The following NRXN3 variants were observed in gnomAD, a reference collection of about 807,000 sequenced individuals.
The protein encoded by NRXN3 is neurexin 3.
In NRXN3, 32 loss-of-function variants were observed where a neutral mutation model predicts 137.6. The ratio of observed to expected loss-of-function variants is 0.23; its 90% CI spans 0.18 to 0.31. The LOEUF is 0.31. NRXN3 is among the 10% of genes least tolerant of loss of function. NRXN3 has a pLI of 1.00. For synonymous variants in NRXN3, 798 were observed against 784.5 expected (o/e 1.02, Z -0.29); for missense variants, 1,574 against 2,062.5 (o/e 0.76, Z 4.59).
intron 4 of NRXN3, among the ~76,000 whole-genome samples, chr14:78,609,367 A>G (rs1009607369): frequency 2.0e-5 from 3 of 152,186 alleles, no homozygotes; most frequent in African/African-American, 7.2e-5. Flanking sequence ...GAAAGATGTT[A>G]TTAATTAAAC....
intron 15 of NRXN3, among the ~76,000 whole-genome samples, chr14:79,081,468 G>A (rs1342477010): frequency 6.6e-6 from 1 of 152,016 alleles, no homozygotes; most frequent in East Asian, 1.9e-4. Context: ...CAAAAAAGCA[G>A]CCAGGTGTGG....
chr14:79,273,002 C>T (rs923056072), intron 15 of NRXN3, among the ~76,000 whole-genome samples: 33 of 151,588 alleles, frequency 2.2e-4, no homozygotes, highest in African/African-American at 8.0e-4. Context: ...GAAACCCCAT[C>T]TCTACTAAAA....
At chr14:78,550,661 G>A (rs1200919081) in intron 4 of NRXN3, among the ~76,000 whole-genome samples, 2 of 152,120 alleles carry the variant, frequency 1.3e-5, no homozygotes, top group African/African-American at 2.4e-5. Context: ...AGCTCTGCCC[G>A]GGATGTATGA....
At chr14:78,356,687 C>A (rs2084353753) in intron 4 of NRXN3, among the ~76,000 whole-genome samples, 1 of 152,192 alleles carries the variant, frequency 6.6e-6, no homozygotes, top group Non-Finnish European at 1.5e-5. Flanking sequence ...TCAGAGTGGG[C>A]AGTTTTTGGC....
intron 15 of NRXN3, among the ~76,000 whole-genome samples, chr14:79,376,249 TATATATATATATATATAC>T (rs1247694527): frequency 0.025 from 1,876 of 73,692 alleles, 55 homozygotes; most frequent in Admixed American, 0.076. Context: ...TATATATATA[TATATATATATATATATAC>T]ACATACATAT....
intron 16 of NRXN3, among the ~76,000 whole-genome samples, chr14:79,469,166 A>G (rs552018543): frequency 1.3e-5 from 2 of 152,312 alleles, no homozygotes; most frequent in South Asian, 2.1e-4. Flanking sequence ...CCTAAGAAAA[A>G]TATGATTTGG....
chr14:79,580,400 C>T (rs2097702960), intron 16 of NRXN3, among the ~76,000 whole-genome samples: 1 of 150,994 alleles, frequency 6.6e-6, no homozygotes, highest in Non-Finnish European at 1.5e-5. Flanking sequence ...TCTCTTTAAA[C>T]TCAGTCATCT....
At chr14:79,762,332 G>A (rs563424084) in intron 19 of NRXN3, among the ~76,000 whole-genome samples, 2 of 151,744 alleles carry the variant, frequency 1.3e-5, no homozygotes, top group East Asian at 3.9e-4. Context: ...TGCTGCACTC[G>A]CATGCTCAAG....
chr14:78,499,368 A>G (rs1239947621), intron 4 of NRXN3, among the ~76,000 whole-genome samples: 2 of 152,170 alleles, frequency 1.3e-5, no homozygotes, highest in African/African-American at 2.4e-5. Context: ...AGATATTCAC[A>G]TTTCTTTTTG....
At chr14:78,524,624 G>T (rs919199391) in intron 4 of NRXN3, among the ~76,000 whole-genome samples, 7 of 152,140 alleles carry the variant, frequency 4.6e-5, no homozygotes, top group Non-Finnish European at 1.0e-4. Flanking sequence ...GGCCTTTGGG[G>T]ATCTCTTTAT....
chr14:79,661,295 A>G (rs991772443), intron 16 of NRXN3, among the ~76,000 whole-genome samples: 3 of 152,112 alleles, frequency 2.0e-5, no homozygotes, highest in Admixed American at 6.6e-5. Context: ...ACATCATTTT[A>G]TATTGCATAT....
Position 78,997,952 on chromosome 14 carries a change from G to A in NRXN3, c.3262+9811G>A, listed in dbSNP as rs142332453. ...CCATGTCAGCTCTGCATTCTAGCCA[G>A]CTGAGAGTCTCTTCTGAGTCTTAGC... On this transcript the variant is annotated intron_variant, in intron 15 of 20. Transcript: ENST00000335750. Among the ~76,000 whole-genome samples the A allele has an allele frequency of 3.9e-5, 6 of 152,304 alleles. No homozygotes were observed. In the East Asian group the frequency reaches 1.2e-3, roughly 29 times the overall value.
At chr14:78,614,885 G>A (rs2097332376) in intron 4 of NRXN3, 5 of 452,832 alleles carry the variant, frequency 1.1e-5, no homozygotes, top group Admixed American at 2.4e-5. Flanking sequence ...CTAGCTGGGG[G>A]CTCAGCAGCT....
intron 4 of NRXN3, among the ~76,000 whole-genome samples, chr14:78,591,422 G>A (rs1469642305): frequency 2.0e-5 from 3 of 152,122 alleles, no homozygotes; most frequent in African/African-American, 4.8e-5. Context: ...TTTGAGTAGC[G>A]TGGTGTAGTG....
intron 10 of NRXN3, among the ~76,000 whole-genome samples, chr14:78,945,451 C>A (rs2099363267): frequency 6.6e-6 from 1 of 152,102 alleles, no homozygotes; most frequent in Admixed American, 6.6e-5. Context: ...CCTGTACGGC[C>A]TGTGGAAAAT....
intron 14 of NRXN3, among the ~76,000 whole-genome samples, chr14:78,980,864 C>A (rs1453356968): frequency 2.0e-5 from 3 of 152,162 alleles, no homozygotes; most frequent in Non-Finnish European, 4.4e-5. Flanking sequence ...AAGAAAGTCA[C>A]CATCTTTTCT....
chr14:78,643,486 A>G lies in NRXN3; in HGVS notation c.758-1634A>G, dbSNP rs560864702. Reference sequence around the variant, plus strand: ...AAGAAGACAAATGGAAGGTCATAACACTGTGTGTCAAAATTATAGATCGAA... The same window carrying G: ...AAGAAGACAAATGGAAGGTCATAACGCTGTGTGTCAAAATTATAGATCGAA... On this transcript the variant is annotated intron_variant, in intron 4 of 20. Coordinates refer to ENST00000335750, the MANE Select transcript of NRXN3 (RefSeq NM_001330195.2). Among the ~76,000 whole-genome samples the G allele has an allele frequency of 6.7e-4, 102 of 152,318 alleles. No individual in the cohort carries two copies. The Middle Eastern group carries it at 0.01, about 15-fold the overall frequency.
At chr14:78,691,931 A>G (rs141253143) in intron 6 of NRXN3, among the ~76,000 whole-genome samples, 10 of 152,336 alleles carry the variant, frequency 6.6e-5, no homozygotes, top group Non-Finnish European at 1.3e-4. Flanking sequence ...AGCATGACCA[A>G]TAAACAAGCC....
intron 16 of NRXN3, among the ~76,000 whole-genome samples, chr14:79,604,180 C>T (rs558278953): frequency 1.7e-4 from 26 of 151,734 alleles, no homozygotes; most frequent in African/African-American, 5.1e-4. Context: ...TGTGAGCCAC[C>T]GCGCCCTGCC....
Sources: gnomAD v4.1 joint callset for allele counts (sites outside exome capture counted in the v4.1 genomes callset) on GRCh38, gnomAD v4.1.1 for gene constraint, MANE v1.5 for transcripts, NCBI Gene and HGNC (gene_info 2026-07-23, HGNC 2026-07-21) for gene names.